The following RBFOX1 variants were observed in gnomAD, a reference collection of about 807,000 sequenced individuals.
The protein encoded by RBFOX1 is RNA binding fox-1 homolog 1, also known as RNA binding protein fox-1 homolog 1.
RBFOX1 carries 8 observed loss-of-function variants against 57.7 expected under a neutral mutation model. The ratio of observed to expected loss-of-function variants is 0.14; its 90% CI spans 0.08 to 0.25. The LOEUF is 0.25. Among genes scored for constraint, RBFOX1 ranks in the 10% least tolerant of loss-of-function variants. The pLI is 1.00. For missense variants in RBFOX1, 611 were observed against 548.5 expected (o/e 1.11, Z -1.14); for synonymous variants, 326 against 222.4 (o/e 1.47, Z -4.15).
At chr16:6,817,595 A>G (rs2090362700) in intron 3 of RBFOX1, among the ~76,000 whole-genome samples, 1 of 151,254 alleles carries the variant, frequency 6.6e-6, no homozygotes, top group South Asian at 2.1e-4. Flanking sequence ...AATTGCAGCT[A>G]CTCGGGAGGC....
intron 3 of RBFOX1, among the ~76,000 whole-genome samples, chr16:5,654,856 T>A (rs1025098663): frequency 6.6e-6 from 1 of 151,870 alleles, no homozygotes; most frequent in Non-Finnish European, 1.5e-5. Flanking sequence ...TTCCATTGTA[T>A]TCCCCCCTTT....
intron 3 of RBFOX1, among the ~76,000 whole-genome samples, chr16:6,792,844 G>A (rs554463757): frequency 6.6e-6 from 1 of 152,134 alleles, no homozygotes; most frequent in East Asian, 1.9e-4. Context: ...GCCTGGACAA[G>A]ATGGTGAAAC....
chr16:5,751,602 C>G (rs1021242689), intron 3 of RBFOX1, among the ~76,000 whole-genome samples: 4 of 152,134 alleles, frequency 2.6e-5, no homozygotes, highest in African/African-American at 7.2e-5. Flanking sequence ...TAAAGTCACA[C>G]AGATACTGGA....
At chr16:6,693,436 T>C (rs12926165) in intron 3 of RBFOX1, among the ~76,000 whole-genome samples, 3,848 of 149,982 alleles carry the variant, frequency 0.026, 156 homozygotes, top group African/African-American at 0.083. Flanking sequence ...ATCAACATCC[T>C]CCTTCACTAC....
chr16:7,269,846 A>G (rs1056604724), intron 4 of RBFOX1, among the ~76,000 whole-genome samples: 2 of 152,206 alleles, frequency 1.3e-5, no homozygotes, highest in African/African-American at 4.8e-5. Context: ...TTGCTTTTTG[A>G]ACTGGTTGTG....
At chr16:6,318,899 T>G (rs572293983) in intron 2 of RBFOX1, among the ~76,000 whole-genome samples, 2 of 151,960 alleles carry the variant, frequency 1.3e-5, no homozygotes, top group Non-Finnish European at 1.5e-5. Context: ...GTGTATCTAG[T>G]AGGTTTCCAT....
At chr16:5,640,780 C>G (rs1029183300) in intron 3 of RBFOX1, among the ~76,000 whole-genome samples, 4 of 149,792 alleles carry the variant, frequency 2.7e-5, no homozygotes, top group Non-Finnish European at 6.0e-5. Context: ...GGCACATACA[C>G]ACACCATGCA....
At chr16:7,089,215 A>C (rs759654989) in intron 4 of RBFOX1, among the ~76,000 whole-genome samples, 3 of 152,186 alleles carry the variant, frequency 2.0e-5, no homozygotes, top group Non-Finnish European at 2.9e-5. Context: ...TCTTCATTTC[A>C]GGGCAAGTTT....
intron 3 of RBFOX1, among the ~76,000 whole-genome samples, chr16:6,709,844 C>G (rs2063414180): frequency 6.6e-6 from 1 of 152,112 alleles, no homozygotes; most frequent in South Asian, 2.1e-4. Flanking sequence ...CTGGCTGGTA[C>G]ACAACCGGAA....
At chr16:6,223,232 G>C (rs2097389576) in intron 1 of RBFOX1, among the ~76,000 whole-genome samples, 1 of 151,086 alleles carries the variant, frequency 6.6e-6, no homozygotes, top group Non-Finnish European at 1.5e-5. Flanking sequence ...GGGATGGCTG[G>C]GTCAAATGGT....
At chr16:7,158,564 G>C (rs1180890730) in intron 4 of RBFOX1, among the ~76,000 whole-genome samples, 4 of 152,022 alleles carry the variant, frequency 2.6e-5, no homozygotes, top group African/African-American at 9.7e-5. Flanking sequence ...TGTCTGTGTG[G>C]TGTGTGTTTG....
intron 10 of RBFOX1, among the ~76,000 whole-genome samples, chr16:7,608,334 C>T (rs1200575343): frequency 1.3e-5 from 2 of 152,160 alleles, no homozygotes; most frequent in Non-Finnish European, 2.9e-5. Context: ...TCTGGCACAA[C>T]AACCAGTCTG....
intron 4 of RBFOX1, among the ~76,000 whole-genome samples, chr16:7,089,240 C>A (rs545267196): frequency 6.6e-6 from 1 of 152,120 alleles, no homozygotes; most frequent in Non-Finnish European, 1.5e-5. Flanking sequence ...TTCGAGCTTG[C>A]GTATCACGAA....
chr16:7,083,664 A>T (rs1247532097), intron 4 of RBFOX1, among the ~76,000 whole-genome samples: 5 of 152,116 alleles, frequency 3.3e-5, no homozygotes, highest in Non-Finnish European at 7.4e-5. Flanking sequence ...TTAAATCCAG[A>T]TTCTTATCCC....
intron 1 of RBFOX1, among the ~76,000 whole-genome samples, chr16:6,276,638 C>T (rs549521018): frequency 4.6e-5 from 7 of 152,256 alleles, no homozygotes; most frequent in South Asian, 2.1e-4. Context: ...CCTCCGCGCC[C>T]GGCTGAGAGT....
intron 1 of RBFOX1, among the ~76,000 whole-genome samples, chr16:6,252,443 A>G (rs2097623661): frequency 6.6e-6 from 1 of 152,192 alleles, no homozygotes; most frequent in Non-Finnish European, 1.5e-5. Flanking sequence ...AGTTGTTCTT[A>G]AAGTGTAGTT....
Position 7,319,791 on chromosome 16 carries a change from G to A in RBFOX1, c.28-198356G>A, listed in dbSNP as rs188396686. 1.9e-3 allele frequency among the ~76,000 whole-genome samples: 294 copies of A among 152,130 alleles called. 1 individual carries two copies. The highest frequency in any genetic ancestry group is 6.8e-3 in the Middle Eastern group (2 of 294). On this transcript the variant is annotated intron_variant, in intron 4 of 15. Transcript: ENST00000550418. ...TCGGGCAGGTGTGGCTTTGACTGCC[G>A]GCCCTCCCTGCTCAAGTTGCCATGA... is the stretch of plus-strand genomic sequence containing the variant.
chr16:6,136,560 G>C (rs1319400715), intron 1 of RBFOX1, among the ~76,000 whole-genome samples: 1 of 152,106 alleles, frequency 6.6e-6, no homozygotes, highest in Non-Finnish European at 1.5e-5. Flanking sequence ...CCTGAGTTCT[G>C]TGCATTTCTT....
At chr16:6,524,159 C>T (rs147291956) in intron 2 of RBFOX1, among the ~76,000 whole-genome samples, 1 of 152,312 alleles carries the variant, frequency 6.6e-6, no homozygotes, top group African/African-American at 2.4e-5. Context: ...CTTTCCCAGC[C>T]TCTGGTAACC....
Sources: allele counts gnomAD v4.1 joint callset (sites outside exome capture counted in the v4.1 genomes callset), GRCh38; gene constraint gnomAD v4.1.1; transcripts MANE v1.5; gene names NCBI Gene and HGNC (gene_info 2026-07-23, HGNC 2026-07-21).